EBF2: variants seen among roughly 807,000 people sequenced by gnomAD.
The protein encoded by EBF2 is EBF transcription factor 2, also known as transcription factor COE2.
Under a neutral mutation model 72.8 loss-of-function variants are expected in EBF2, and 21 were observed. The ratio of observed to expected loss-of-function variants is 0.29; its 90% CI spans 0.20 to 0.42. EBF2 has a LOEUF of 0.42. Among genes scored for constraint, EBF2 ranks in the 10% least tolerant of loss-of-function variants. The probability of loss-of-function intolerance (pLI) is 1.00; values close to 1 mark genes in which losing one functional copy is unlikely to be tolerated. For synonymous variants in EBF2, 299 were observed against 274.2 expected (o/e 1.09, Z -0.89); for missense variants, 637 against 731.2 (o/e 0.87, Z 1.49).
chr8:25,971,047 C>G (rs1324749363), intron 6 of EBF2, among the ~76,000 whole-genome samples: 1 of 152,072 alleles, frequency 6.6e-6, no homozygotes, highest in African/African-American at 2.4e-5. Context: ...GTTGCCCAGG[C>G]TAGCCTTGAA....
chr8:25,976,323 G>A (rs1804266734), intron 6 of EBF2, among the ~76,000 whole-genome samples: 1 of 152,108 alleles, frequency 6.6e-6, no homozygotes, highest in African/African-American at 2.4e-5. Flanking sequence ...TTTGGAAACA[G>A]GTCCAATAGA....
intron 4 of EBF2, 138 bp from the exon 5 acceptor site, chr8:26,040,239 A>G: frequency 1.1e-6 from 1 of 925,010 alleles, no homozygotes; most frequent in Non-Finnish European, 1.7e-6. Flanking sequence ...CCCGCAGCAC[A>G]TTCTGCGCGG....
At chr8:25,997,906 TTAA>T (rs1437609391) in intron 6 of EBF2, among the ~76,000 whole-genome samples, 1 of 152,090 alleles carries the variant, frequency 6.6e-6, no homozygotes, top group Non-Finnish European at 1.5e-5. Flanking sequence ...AGAGCTAACA[TTAA>T]TAATAATACA....
At chr8:25,908,686 G>C in intron 6 of EBF2, 131 bp from the exon 7 acceptor site, 1 of 672,728 alleles carries the variant, frequency 1.5e-6, no homozygotes. Context: ...TGCCCTGCCT[G>C]TGAAGGAACA....
chr8:25,954,343 C>G (rs1288799231), intron 6 of EBF2, among the ~76,000 whole-genome samples: 1 of 152,180 alleles, frequency 6.6e-6, no homozygotes, highest in East Asian at 1.9e-4. Context: ...CCACCTGAGT[C>G]TGGAGAGCCA....
chr8:26,027,971 G>A (rs1042287471), intron 6 of EBF2, among the ~76,000 whole-genome samples: 3 of 152,140 alleles, frequency 2.0e-5, no homozygotes, highest in South Asian at 2.1e-4. Context: ...TAGGAGACGG[G>A]TAGTGGGGAA....
At chr8:25,918,755 C>A (rs1803264912) in intron 6 of EBF2, among the ~76,000 whole-genome samples, 1 of 152,030 alleles carries the variant, frequency 6.6e-6, no homozygotes, top group Non-Finnish European at 1.5e-5. Context: ...AACATTCAAA[C>A]AATCAAAAAA....
rs114800767 is a variant in EBF2, at chr8:26,016,456, G to A, written c.551+16629C>T. ...CGTCTTTTAAAATTTAACCAACTTG[G>A]CCTCTACTTAGTGGGCCAAAGAAAA... On this transcript the variant is annotated intron_variant, in intron 6 of 15. Transcript: ENST00000520164. 4.9e-4 allele frequency among the ~76,000 whole-genome samples: 74 copies of A among 152,150 alleles called. 1 individual carries two copies. Among genetic ancestry groups the A allele is most frequent in the African/African-American group, 1.7e-3 (72 of 41,496 alleles).
chr8:25,898,075 G>A (rs7013216), intron 7 of EBF2, among the ~76,000 whole-genome samples: 13,035 of 152,156 alleles, frequency 0.086, 854 homozygotes, highest in African/African-American at 0.18. Flanking sequence ...CTCACCCTAC[G>A]GTGGACAAAG....
chr8:25,980,848 G>A (rs547802322), intron 6 of EBF2, among the ~76,000 whole-genome samples: 24 of 151,850 alleles, frequency 1.6e-4, no homozygotes, highest in African/African-American at 5.8e-4. Context: ...CAGTGGGGGA[G>A]GGGTGTCATT....
chr8:26,001,887 C>T (rs1585222363), intron 6 of EBF2, among the ~76,000 whole-genome samples: 1 of 152,242 alleles, frequency 6.6e-6, no homozygotes, highest in East Asian at 1.9e-4. Context: ...AAGTTTCCTC[C>T]CCCATGCCCA....
At chr8:25,893,695 A>C (rs2117297356) in intron 7 of EBF2, among the ~76,000 whole-genome samples, 1 of 152,274 alleles carries the variant, frequency 6.6e-6, no homozygotes, top group South Asian at 2.1e-4. Flanking sequence ...TCACTCCACA[A>C]GCTCCTTGTC....
chr8:25,967,140 C>T (rs1255607226), intron 6 of EBF2, among the ~76,000 whole-genome samples: 1 of 152,162 alleles, frequency 6.6e-6, no homozygotes, highest in Non-Finnish European at 1.5e-5. Flanking sequence ...ATGGTGCACA[C>T]AGCATGTTGC....
At chr8:25,910,621 T>C (rs548267139) in intron 6 of EBF2, among the ~76,000 whole-genome samples, 52 of 152,292 alleles carry the variant, frequency 3.4e-4, no homozygotes, top group Middle Eastern at 3.4e-3. Context: ...TAAAATCAAA[T>C]TGATTTAGGG....
intron 6 of EBF2, among the ~76,000 whole-genome samples, chr8:25,922,771 A>G (rs913537658): frequency 1.3e-5 from 2 of 152,222 alleles, no homozygotes; most frequent in African/African-American, 2.4e-5. Flanking sequence ...GCAGAGAATT[A>G]AATAAATGAC....
rs975196160 is a variant in EBF2 at position 26,041,060 on chromosome 8, AGAG to A, written c.289-61_289-59del. The A allele has an allele frequency of 1.3e-5, 21 of 1,592,270 alleles. No individual in the cohort carries two copies. In the African/African-American group the frequency reaches 2.7e-4, roughly 20 times the overall value. On this transcript the variant is annotated intron_variant, in intron 2 of 15. Transcript: ENST00000520164. ...CTTTCAGCCCCCCAAAATGAGGGAA[AGAG>A]GAGACAGTGAATCCCCACCTCACAT...
chr8:25,950,987 G>A (rs1458108160), intron 6 of EBF2, among the ~76,000 whole-genome samples: 1 of 152,102 alleles, frequency 6.6e-6, no homozygotes, highest in Non-Finnish European at 1.5e-5. Context: ...ACAAAGTAAT[G>A]TTTATAGATT....
At chr8:25,890,495 G>T (rs1450393543) in intron 7 of EBF2, among the ~76,000 whole-genome samples, 1 of 152,224 alleles carries the variant, frequency 6.6e-6, no homozygotes, top group Non-Finnish European at 1.5e-5. Context: ...CAGAACATGG[G>T]TTTGGAGTCA....
chr8:25,973,403 C>A (rs987389603), intron 6 of EBF2, among the ~76,000 whole-genome samples: 2 of 152,152 alleles, frequency 1.3e-5, no homozygotes, highest in Non-Finnish European at 2.9e-5. Context: ...ATTTACAGGG[C>A]AGATCTTCTG....
Sources: allele counts gnomAD v4.1 joint callset (sites outside exome capture counted in the v4.1 genomes callset), GRCh38; gene constraint gnomAD v4.1.1; transcripts MANE v1.5; gene names NCBI Gene and HGNC (gene_info 2026-07-23, HGNC 2026-07-21).